Variants in ANKS4B observed in about 807,000 individuals in gnomAD.
ANKS4B encodes ankyrin repeat and SAM domain-containing protein 4B.
ANKS4B carries 21 observed loss-of-function variants against 20.2 expected under a neutral mutation model. The observed-to-expected ratio is 1.04, with a 90% confidence interval of 0.74 to 1.50. ANKS4B has a LOEUF of 1.50. Ranked by LOEUF, ANKS4B falls within the 40% of genes most tolerant of loss-of-function variation. The pLI, the probability that ANKS4B is intolerant of heterozygous loss-of-function variation, is 0.00. For missense variants in ANKS4B, 473 were observed against 494.6 expected, an observed-to-expected ratio of 0.96 and a Z score of 0.41; for synonymous variants, 179 against 194.5, an observed-to-expected ratio of 0.92 and a Z score of 0.66.
In ANKS4B at chr16:21,233,815, T is replaced by C. The variant is rs1456508828; in HGVS notation, c.78T>C (p.Asn26=). 2 of 1,614,022 alleles carry C rather than the reference T, an allele frequency of 1.2e-6. No homozygotes were observed. Among genetic ancestry groups the C allele is most frequent in the Admixed American group, 3.3e-5 (2 of 60,004 alleles). Residue 26 remains asparagine (N), a synonymous_variant, in exon 1 of 2, where the codon AAT becomes AAC. Transcript: ENST00000311620. ...LLKEATKRDL[N]LSDEDGMTPT... ...AAGAGGCTACCAAGCGAGATCTAAA[T>C]CTTTCGGATGAAGACGGCATGACTC...
At chr16:21,245,361 C>G (rs8062610) in intron 1 of ANKS4B, among the ~76,000 whole-genome samples, 47,332 of 152,038 alleles carry the variant, frequency 0.31, 8,207 homozygotes, top group East Asian at 0.47. Flanking sequence ...GGACATGTGG[C>G]TGACACAAAG....
chr16:21,244,927 C>A (rs2093330584), intron 1 of ANKS4B, among the ~76,000 whole-genome samples: 1 of 152,132 alleles, frequency 6.6e-6, no homozygotes, highest in South Asian at 2.1e-4. Context: ...ACCCCCAACT[C>A]CACACACTCT....
At position 21,250,512 on chromosome 16, in the gene ANKS4B, G is replaced by A; in HGVS notation, c.946G>A (p.Ala316Thr). Reference protein sequence around the residue: ...QGASEADEGAADEEGEENGLK... With the variant: ...QGASEADEGATDEEGEENGLK... Reference sequence around the variant, plus strand: ...AGCATCAGAGGCTGATGAGGGTGCAGCTGATGAAGAGGGAGAGGAAAACGG... The same window carrying A: ...AGCATCAGAGGCTGATGAGGGTGCAACTGATGAAGAGGGAGAGGAAAACGG... Residue 316 changes from alanine to threonine, a missense_variant, in exon 2 of 2, where the codon GCT becomes ACT. Transcript: ENST00000311620. 6.2e-7 allele frequency: 1 copy of A among 1,614,218 alleles called. No individual in the cohort carries two copies. The highest frequency in any genetic ancestry group is 8.5e-7 in the Non-Finnish European group (1 of 1,180,032).
intron 1 of ANKS4B, among the ~76,000 whole-genome samples, chr16:21,240,004 C>T (rs1049521997): frequency 6.6e-6 from 1 of 152,142 alleles, no homozygotes; most frequent in Non-Finnish European, 1.5e-5. Flanking sequence ...AGCTAATCAA[C>T]TATTGAAATA....
intron 1 of ANKS4B, among the ~76,000 whole-genome samples, chr16:21,240,770 A>AT (rs935525649): frequency 2.4e-4 from 36 of 147,320 alleles, no homozygotes; most frequent in East Asian, 7.9e-4. Context: ...CCACTATTTT[A>AT]TTTTTTTTTT....
intron 1 of ANKS4B, among the ~76,000 whole-genome samples, chr16:21,248,644 C>A (rs925413757): frequency 6.6e-6 from 1 of 151,894 alleles, no homozygotes; most frequent in Non-Finnish European, 1.5e-5. Flanking sequence ...GCAGGAGAAT[C>A]GCTTGAACCT....
intron 1 of ANKS4B, among the ~76,000 whole-genome samples, chr16:21,237,115 G>A (rs1212462020): frequency 6.6e-6 from 1 of 151,760 alleles, no homozygotes; most frequent in African/African-American, 2.4e-5. Context: ...CCACCTCTCG[G>A]GTTTGAGCAA....
chr16:21,243,977 C>G (rs957627109), intron 1 of ANKS4B: 7 of 151,052 alleles, frequency 4.6e-5, no homozygotes, highest in Admixed American at 4.0e-4. Context: ...GAAATTTTCT[C>G]AAAAGAAGGC....
intron 1 of ANKS4B, among the ~76,000 whole-genome samples, chr16:21,236,559 C>A (rs1199371861): frequency 6.6e-6 from 1 of 152,092 alleles, no homozygotes. Context: ...TACAATAACT[C>A]TTCTGCTGGT....
Position 21,250,217 on chromosome 16 carries a change from A to G in ANKS4B, c.651A>G (p.Glu217=). 1.2e-6 allele frequency: 2 copies of G among 1,614,160 alleles called. No homozygotes were observed. The highest frequency in any genetic ancestry group is 3.3e-5 in the Admixed American group (2 of 60,024). Residue 217 remains glutamate, a synonymous_variant, in exon 2 of 2, where the codon GAA becomes GAG. Transcript: ENST00000311620. The part of the protein sequence containing the change: ...IKFKKNKDTA[E]QVGKEGRSGQ... Reference sequence around the variant, plus strand: ...TCAAGAAGAACAAAGATACAGCAGAACAGGTGGGGAAGGAAGGCAGAAGTG... The same window carrying G: ...TCAAGAAGAACAAAGATACAGCAGAGCAGGTGGGGAAGGAAGGCAGAAGTG...
intron 1 of ANKS4B, among the ~76,000 whole-genome samples, chr16:21,245,903 A>G (rs1359835028): frequency 6.6e-6 from 1 of 152,248 alleles, no homozygotes; most frequent in Non-Finnish European, 1.5e-5. Flanking sequence ...TGTTTATTCA[A>G]TATTTACTAT....
intron 1 of ANKS4B, among the ~76,000 whole-genome samples, chr16:21,234,432 A>G (rs2093317651): frequency 6.6e-6 from 1 of 151,056 alleles, no homozygotes; most frequent in South Asian, 2.1e-4. Flanking sequence ...TGGCTCTACA[A>G]GGACTCTTTA....
chr16:21,245,555 T>A lies in ANKS4B; in HGVS notation c.165-4176T>A, dbSNP rs994190329. On this transcript the variant is annotated intron_variant, in intron 1 of 1. Coordinates refer to ENST00000311620, the MANE Select transcript of ANKS4B (RefSeq NM_145865.3). ...GCGGCGCAATCTCGGCTCACTGCAA[T>A]CTCCACCTCCCAGGTTCTCCTGCCT... Among the ~76,000 whole-genome samples, 3 of 151,990 alleles carry A rather than the reference T, an allele frequency of 2.0e-5. No homozygotes were observed. In the South Asian group the frequency reaches 6.2e-4, roughly 32 times the overall value.
chr16:21,235,505 C>T (rs574319273), intron 1 of ANKS4B, among the ~76,000 whole-genome samples: 21 of 152,190 alleles, frequency 1.4e-4, no homozygotes, highest in African/African-American at 4.8e-4. Flanking sequence ...TTTATGTTTA[C>T]AAAACTCACT....
intron 1 of ANKS4B, 68 bp from the exon 2 acceptor site, chr16:21,249,663 A>AT (rs891612868): frequency 1.5e-5 from 22 of 1,501,276 alleles, no homozygotes; most frequent in East Asian, 6.8e-5. Flanking sequence ...TTTTGTTTTG[A>AT]TTTTTTTGGG....
chr16:21,251,373 TG>T lies in ANKS4B; in HGVS notation c.*556del. 6.5e-6 allele frequency: 1 copy of T among 153,746 alleles called. No homozygotes were observed. Among genetic ancestry groups the T allele is most frequent in the Non-Finnish European group, 1.4e-5 (1 of 69,054 alleles). 9.5% of individuals were successfully genotyped at this position (153,746 alleles called of 1,614,324 possible). A position where few individuals can be genotyped will look rare whatever the true frequency, so the allele number is the denominator to read the frequency against. On this transcript the variant is annotated 3_prime_UTR_variant, in exon 2 of 2. Coordinates refer to ENST00000311620, the MANE Select transcript of ANKS4B (RefSeq NM_145865.3). ...CTCCCACCTCAGCCTCCTAAAGCAC[TG>T]GGATTACAGGTGTGAACCACCGTAC... is the stretch of plus-strand genomic sequence containing the variant.
At chr16:21,246,389 T>A (rs75733148) in intron 1 of ANKS4B, among the ~76,000 whole-genome samples, 9,078 of 152,292 alleles carry the variant, frequency 0.06, 607 homozygotes, top group East Asian at 0.37. Context: ...TTTGGACTAC[T>A]ATAAGTATGT....
intron 1 of ANKS4B, among the ~76,000 whole-genome samples, chr16:21,235,023 C>T (rs1208032364): frequency 6.6e-6 from 1 of 152,036 alleles, no homozygotes; most frequent in Non-Finnish European, 1.5e-5. Flanking sequence ...AATTTTTGTA[C>T]TTTTTGTAGT....
At chr16:21,242,904 C>A (rs929568104) in intron 1 of ANKS4B, among the ~76,000 whole-genome samples, 1 of 152,122 alleles carries the variant, frequency 6.6e-6, no homozygotes, top group Non-Finnish European at 1.5e-5. Context: ...GTGTATTGTG[C>A]CAGGAAATTT....
Sources: allele counts gnomAD v4.1 joint callset (sites outside exome capture counted in the v4.1 genomes callset), GRCh38; gene constraint gnomAD v4.1.1; transcripts MANE v1.5; gene names NCBI Gene and HGNC (gene_info 2026-07-23, HGNC 2026-07-21).